The following COL23A1 variants were observed in gnomAD, a reference collection of about 807,000 sequenced individuals.
The protein encoded by COL23A1 is collagen type XXIII alpha 1 chain.
COL23A1 carries 97 observed loss-of-function variants against 99.3 expected under a neutral mutation model. The observed-to-expected ratio is 0.98, with a 90% CI of 0.83 to 1.16. The LOEUF (loss-of-function observed/expected upper bound fraction) is 1.16, where lower values mean the gene tolerates loss of function less well. COL23A1 is among the 50% of genes most tolerant of loss of function. COL23A1 has a pLI of 0.00. For missense variants in COL23A1, 762 were observed against 757.4 expected (o/e 1.01, Z -0.07); for synonymous variants, 320 against 308.2 (o/e 1.04, Z -0.40).
At chr5:178,531,568 A>T (rs1312497449) in intron 2 of COL23A1, among the ~76,000 whole-genome samples, 2 of 152,236 alleles carry the variant, frequency 1.3e-5, no homozygotes, top group Non-Finnish European at 2.9e-5. Context: ...TCATCCTGCA[A>T]GAAGATAATC....
At chr5:178,346,569 G>A (rs1297066407) in intron 2 of COL23A1, among the ~76,000 whole-genome samples, 1 of 152,150 alleles carries the variant, frequency 6.6e-6, no homozygotes, top group Non-Finnish European at 1.5e-5. Context: ...ACAGACATAT[G>A]TACATACGTC....
chr5:178,507,229 A>G (rs556800216), intron 2 of COL23A1, among the ~76,000 whole-genome samples: 1 of 152,278 alleles, frequency 6.6e-6, no homozygotes, highest in Non-Finnish European at 1.5e-5. Flanking sequence ...CTTTGTGGTG[A>G]TAGTAGAGTC....
At chr5:178,292,375 C>G (rs1315755507) in intron 3 of COL23A1, among the ~76,000 whole-genome samples, 2 of 152,238 alleles carry the variant, frequency 1.3e-5, no homozygotes, top group African/African-American at 4.8e-5. Flanking sequence ...CACTTGCCCT[C>G]TCATGCAAGT....
chr5:178,303,751 A>G (rs1758196149), intron 3 of COL23A1, among the ~76,000 whole-genome samples: 1 of 152,170 alleles, frequency 6.6e-6, no homozygotes, highest in African/African-American at 2.4e-5. Flanking sequence ...CTTCCCATCA[A>G]TAAGCATTTA....
At chr5:178,560,474 T>A (rs759211571) in intron 2 of COL23A1, among the ~76,000 whole-genome samples, 25 of 151,968 alleles carry the variant, frequency 1.6e-4, no homozygotes, top group Non-Finnish European at 3.2e-4. Context: ...CCTCCACCAA[T>A]ACCACCCAGC....
chr5:178,278,126 G>C (rs373586667), intron 5 of COL23A1, among the ~76,000 whole-genome samples: 1 of 152,228 alleles, frequency 6.6e-6, no homozygotes, highest in Non-Finnish European at 1.5e-5. Context: ...GACCGCCACA[G>C]CGTGGCCAAA....
In COL23A1 at chr5:178,372,345, T is replaced by C. The variant is rs1762843042; in HGVS notation, c.362-65426A>G. On this transcript the variant is annotated intron_variant, in intron 2 of 28. Transcript: ENST00000390654. ...GTTTTCTGTTTCTTATTAAAGTTTT[T>C]AGTCCGAGGGCGTAGTTGCTGACTC... Among the ~76,000 whole-genome samples the C allele has an allele frequency of 2.0e-5, 3 of 152,230 alleles. No homozygotes were observed. The South Asian group carries it at 6.2e-4, about 32-fold the overall frequency.
chr5:178,334,704 C>G (rs368837279), intron 2 of COL23A1, among the ~76,000 whole-genome samples: 14 of 152,218 alleles, frequency 9.2e-5, no homozygotes, highest in African/African-American at 2.9e-4. Context: ...CACTTAAAGA[C>G]AGCGACACGA....
intron 3 of COL23A1, among the ~76,000 whole-genome samples, chr5:178,294,101 A>G (rs1285507732): frequency 6.6e-6 from 1 of 152,056 alleles, no homozygotes. Context: ...CCAGTCTCCC[A>G]TTCTGGGGCC....
intron 2 of COL23A1, among the ~76,000 whole-genome samples, chr5:178,377,667 C>T (rs1384185268): frequency 6.6e-6 from 1 of 152,192 alleles, no homozygotes; most frequent in Non-Finnish European, 1.5e-5. Context: ...TGTGGGAAGC[C>T]ATGGGAGTGG....
At chr5:178,300,738 T>TATTTA (rs1554134192) in intron 3 of COL23A1, among the ~76,000 whole-genome samples, 44 of 150,722 alleles carry the variant, frequency 2.9e-4, no homozygotes, top group African/African-American at 1.1e-3. Context: ...TTTATTTATT[T>TATTTA]TTTTTAGTAG....
intron 1 of COL23A1, among the ~76,000 whole-genome samples, chr5:178,587,712 T>A (rs1581692276): frequency 6.6e-6 from 1 of 152,214 alleles, no homozygotes; most frequent in Non-Finnish European, 1.5e-5. Context: ...CTTGAAAAAG[T>A]ATCTATACAT....
intron 2 of COL23A1, among the ~76,000 whole-genome samples, chr5:178,370,475 T>A (rs1762738710): frequency 6.6e-6 from 1 of 151,634 alleles, no homozygotes; most frequent in Non-Finnish European, 1.5e-5. Flanking sequence ...ATAGAGCTCA[T>A]GGAAGCAGAG....
chr5:178,565,658 A>AC (rs1461460096), intron 1 of COL23A1, among the ~76,000 whole-genome samples: 59 of 151,816 alleles, frequency 3.9e-4, no homozygotes, highest in South Asian at 8.3e-4. Context: ...CCTCCTGATA[A>AC]CCCCCACGCG....
At chr5:178,489,712 T>C (rs1757826080) in intron 2 of COL23A1, among the ~76,000 whole-genome samples, 1 of 152,002 alleles carries the variant, frequency 6.6e-6, no homozygotes, top group Non-Finnish European at 1.5e-5. Flanking sequence ...TGCAGCAAGG[T>C]CTCTGACCCC....
At chr5:178,540,787 T>A (rs1402187405) in intron 2 of COL23A1, among the ~76,000 whole-genome samples, 1 of 151,828 alleles carries the variant, frequency 6.6e-6, no homozygotes, top group Non-Finnish European at 1.5e-5. Flanking sequence ...GGAAGCCAGG[T>A]GTGTTGGTGA....
intron 2 of COL23A1, among the ~76,000 whole-genome samples, chr5:178,436,487 G>A (rs967784389): frequency 8.5e-5 from 13 of 152,178 alleles, no homozygotes; most frequent in African/African-American, 3.1e-4. Context: ...GTTTCAAAGG[G>A]AGAAGGCACA....
intron 2 of COL23A1, among the ~76,000 whole-genome samples, chr5:178,493,237 G>T (rs1336645503): frequency 6.6e-6 from 1 of 152,130 alleles, no homozygotes; most frequent in African/African-American, 2.4e-5. Flanking sequence ...TCTTCCCCAG[G>T]CCATACACCA....
chr5:178,420,970 G>T (rs897540861), intron 2 of COL23A1, among the ~76,000 whole-genome samples: 1 of 151,942 alleles, frequency 6.6e-6, no homozygotes. Context: ...GGCGTGGGGG[G>T]GTCACAGGAT....
Sources: gnomAD v4.1 joint callset for allele counts (sites outside exome capture counted in the v4.1 genomes callset) on GRCh38, gnomAD v4.1.1 for gene constraint, MANE v1.5 for transcripts, NCBI Gene and HGNC (gene_info 2026-07-23, HGNC 2026-07-21) for gene names.